Variants in SAXO1 observed in about 807,000 individuals in gnomAD.
SAXO1 encodes 4930500O09Rik.
In SAXO1, 21 loss-of-function variants were observed where a neutral mutation model predicts 17.5. That is an observed-to-expected ratio of 1.20 (90% CI 0.85 to 1.72). The LOEUF is 1.72. SAXO1 is among the 40% of genes most tolerant of loss of function. The pLI, the probability that SAXO1 is intolerant of heterozygous loss-of-function variation, is 0.00. For missense variants in SAXO1, 843 were observed against 596.0 expected (o/e 1.41, Z -4.32); for synonymous variants, 274 against 216.5 (o/e 1.27, Z -2.33).
At chr9:19,028,093 G>C in intron 1 of SAXO1, 2 of 1,611,948 alleles carry the variant, frequency 1.2e-6, no homozygotes, top group Non-Finnish European at 1.7e-6. Context: ...CATCCTGGAG[G>C]TCCAGGCCAA....
At chr9:18,975,501 T>C (rs1014010260) in intron 1 of SAXO1, among the ~76,000 whole-genome samples, 3 of 152,200 alleles carry the variant, frequency 2.0e-5, no homozygotes, top group African/African-American at 7.2e-5. Flanking sequence ...CTCCCTACTC[T>C]AGGCAATGAG....
chr9:18,936,437 C>T (rs1465746239), intron 3 of SAXO1, among the ~76,000 whole-genome samples: 2 of 152,004 alleles, frequency 1.3e-5, no homozygotes, highest in Non-Finnish European at 2.9e-5. Context: ...CCTCAAGGTA[C>T]TTGGGGGTGG....
intron 1 of SAXO1, among the ~76,000 whole-genome samples, chr9:19,026,414 T>C (rs1011975159): frequency 1.3e-5 from 2 of 152,182 alleles, no homozygotes; most frequent in African/African-American, 4.8e-5. Flanking sequence ...TGTTTCTATT[T>C]CCTTATCTGT....
intron 1 of SAXO1, among the ~76,000 whole-genome samples, chr9:19,009,646 C>T (rs1301819540): frequency 6.6e-6 from 1 of 152,066 alleles, no homozygotes; most frequent in African/African-American, 2.4e-5. Flanking sequence ...ATTGAGATTT[C>T]TTGTGGTGTT....
At chr9:18,965,606 T>G (rs1832686232) in intron 1 of SAXO1, among the ~76,000 whole-genome samples, 1 of 152,120 alleles carries the variant, frequency 6.6e-6, no homozygotes, top group South Asian at 2.1e-4. Context: ...TTGGTATATC[T>G]TCCTCCGTCC....
chr9:19,015,984 C>T (rs1834958891), intron 1 of SAXO1, among the ~76,000 whole-genome samples: 1 of 152,260 alleles, frequency 6.6e-6, no homozygotes, highest in South Asian at 2.1e-4. Flanking sequence ...TCAAACAGCT[C>T]TCCAGTTGAT....
chr9:18,933,406 A>G lies in SAXO1; in HGVS notation c.422-4351T>C, dbSNP rs549164752. Among the ~76,000 whole-genome samples the G allele has an allele frequency of 1.9e-4, 29 of 150,986 alleles. 1 individual carries two copies. In the South Asian group the frequency reaches 6.0e-3, roughly 31 times the overall value. On this transcript the variant is annotated intron_variant, in intron 3 of 3. Coordinates refer to ENST00000380534, the MANE Select transcript of SAXO1 (RefSeq NM_153707.4). Reference sequence around the variant, plus strand: ...TCTGTAATTGTCTTTTAAATGAATTAAAAGAAAAAAATATCTTTTTAATGA... The same window carrying G: ...TCTGTAATTGTCTTTTAAATGAATTGAAAGAAAAAAATATCTTTTTAATGA...
At position 18,989,556 on chromosome 9, in the gene SAXO1, G is replaced by GCACA. The variant is rs56265752; in HGVS notation, c.39-38623_39-38620dup. Among the ~76,000 whole-genome samples the GCACA allele has an allele frequency of 3.2e-3, 478 of 149,286 alleles. 4 individuals are homozygous for GCACA. The highest frequency in any genetic ancestry group is 0.032 in the South Asian group (149 of 4,678). ...GGAAATTTACTTTTTTAGCCATTAT[G>GCACA]CACACACACACACACACACACACAC... is the stretch of plus-strand genomic sequence containing the variant. On this transcript the variant is annotated intron_variant, in intron 1 of 3. Coordinates refer to ENST00000380534, the MANE Select transcript of SAXO1 (RefSeq NM_153707.4).
intron 1 of SAXO1, among the ~76,000 whole-genome samples, chr9:19,009,257 T>A (rs967295518): frequency 6.6e-6 from 1 of 151,694 alleles, no homozygotes; most frequent in Non-Finnish European, 1.5e-5. Flanking sequence ...AAAAAAAAAA[T>A]TTAATCCCAG....
intron 3 of SAXO1, among the ~76,000 whole-genome samples, chr9:18,930,089 C>A (rs1184872393): frequency 6.6e-6 from 1 of 152,172 alleles, no homozygotes; most frequent in Non-Finnish European, 1.5e-5. Context: ...TTGTTGTCTC[C>A]AAAGCCATGT....
At chr9:19,006,784 G>A (rs1834498013) in intron 1 of SAXO1, among the ~76,000 whole-genome samples, 1 of 152,316 alleles carries the variant, frequency 6.6e-6, no homozygotes, top group Middle Eastern at 3.4e-3. Flanking sequence ...GGTGGCTCAT[G>A]CCTATAATCC....
chr9:19,000,631 G>A (rs981255348), intron 1 of SAXO1, among the ~76,000 whole-genome samples: 1 of 152,234 alleles, frequency 6.6e-6, no homozygotes, highest in Non-Finnish European at 1.5e-5. Context: ...CAAGTGTGAA[G>A]TGACAGCCTT....
At chr9:18,940,771 A>T (rs1012533237) in intron 3 of SAXO1, among the ~76,000 whole-genome samples, 4 of 152,170 alleles carry the variant, frequency 2.6e-5, no homozygotes, top group African/African-American at 9.7e-5. Context: ...ATGACCACGT[A>T]TCTTGTCTCT....
At chr9:18,951,187 C>A (rs1442570593) in intron 1 of SAXO1, among the ~76,000 whole-genome samples, 1 of 152,128 alleles carries the variant, frequency 6.6e-6, no homozygotes, top group Non-Finnish European at 1.5e-5. Context: ...GTCACACATG[C>A]CACATTGCTT....
chr9:19,039,632 T>C (rs1836027342), intron 1 of SAXO1, among the ~76,000 whole-genome samples: 1 of 152,218 alleles, frequency 6.6e-6, no homozygotes, highest in Non-Finnish European at 1.5e-5. Flanking sequence ...TATGCAATAA[T>C]TTACTTCTAC....
chr9:19,039,232 A>G (rs921806221), intron 1 of SAXO1, among the ~76,000 whole-genome samples: 3 of 152,194 alleles, frequency 2.0e-5, no homozygotes, highest in Admixed American at 6.5e-5. Flanking sequence ...CCAAGAATAC[A>G]AGGTGGTTTT....
At position 19,033,106 on chromosome 9, in the gene SAXO1, G is replaced by A; in HGVS notation, c.-198C>T. Reference sequence around the variant, plus strand: ...CCTCCTGGAGCTGGCCTAGCGCGAGGTAGCAGCAGGGGGCTTGCACGCGCG... The same window carrying A: ...CCTCCTGGAGCTGGCCTAGCGCGAGATAGCAGCAGGGGGCTTGCACGCGCG... On this transcript the variant is annotated 5_prime_UTR_variant, in exon 1 of 4. Transcript: ENST00000380534. The A allele has an allele frequency of 1.9e-6, 1 of 531,726 alleles. No homozygotes were observed. The highest frequency in any genetic ancestry group is 3.2e-5 in the South Asian group (1 of 31,508). 32.9% of individuals were successfully genotyped at this position (531,726 alleles called of 1,614,324 possible).
At chr9:19,030,344 G>A (rs1265723560) in intron 1 of SAXO1, among the ~76,000 whole-genome samples, 2 of 152,206 alleles carry the variant, frequency 1.3e-5, no homozygotes, top group Non-Finnish European at 2.9e-5. Flanking sequence ...CAGGGAGGTT[G>A]TAACCGGAAT....
rs921772521 is a variant in SAXO1 at position 18,927,734 on chromosome 9, T to C, written c.*318A>G. ...TTAATCATTATGTCAGTTCATACAATGATTAAATTAATAAAATACATCTGG... is the reference window on the plus strand; with the variant it reads ...TTAATCATTATGTCAGTTCATACAACGATTAAATTAATAAAATACATCTGG... On this transcript the variant is annotated 3_prime_UTR_variant, in exon 4 of 4. Coordinates refer to ENST00000380534, the MANE Select transcript of SAXO1 (RefSeq NM_153707.4). 3.9e-6 allele frequency: 1 copy of C among 258,230 alleles called. No individual in the cohort carries two copies. The highest frequency in any genetic ancestry group is 7.3e-6 in the Non-Finnish European group (1 of 136,158). 16.0% of individuals were successfully genotyped at this position (258,230 alleles called of 1,614,324 possible).
Sources: gnomAD v4.1 joint callset for allele counts (sites outside exome capture counted in the v4.1 genomes callset) on GRCh38, gnomAD v4.1.1 for gene constraint, MANE v1.5 for transcripts, NCBI Gene and HGNC (gene_info 2026-07-23, HGNC 2026-07-21) for gene names.